The following NR1I2 variants were observed in gnomAD, a reference collection of about 807,000 sequenced individuals.
NR1I2 encodes the protein nuclear receptor subfamily 1 group I member 2, also known as orphan nuclear receptor PAR1.
Under a neutral mutation model 43.3 loss-of-function variants are expected in NR1I2, and 42 were observed. The ratio of observed to expected loss-of-function variants is 0.97; its 90% confidence interval spans 0.76 to 1.26. NR1I2 has a LOEUF of 1.26. Among genes scored for constraint, NR1I2 ranks in the 50% most tolerant of loss-of-function variants. The pLI is 0.00. For missense variants in NR1I2, 559 were observed against 566.7 expected (o/e 0.99, Z 0.14); for synonymous variants, 229 against 215.0 (o/e 1.06, Z -0.57).
intron 1 of NR1I2, among the ~76,000 whole-genome samples, chr3:119,784,755 G>A (rs530176535): frequency 1.3e-5 from 2 of 152,070 alleles, no homozygotes; most frequent in African/African-American, 4.8e-5. Flanking sequence ...TTTCCTATTT[G>A]TTTGAAATAT....
intron 1 of NR1I2, among the ~76,000 whole-genome samples, chr3:119,800,156 T>C (rs2055059264): frequency 6.6e-6 from 1 of 152,248 alleles, no homozygotes; most frequent in African/African-American, 2.4e-5. Context: ...TGATCCATTT[T>C]GAGTAAATTT....
chr3:119,815,475 CA>C (rs759721878), intron 7 of NR1I2, 36 bp downstream of exon 7: 17 of 1,528,276 alleles, frequency 1.1e-5, no homozygotes, highest in African/African-American at 4.1e-5. Flanking sequence ...ACATCCCCCC[CA>C]GCCTTATCTG....
At chr3:119,797,850 T>C (rs944207810) in intron 1 of NR1I2, among the ~76,000 whole-genome samples, 5 of 152,242 alleles carry the variant, frequency 3.3e-5, no homozygotes, top group African/African-American at 4.8e-5. Flanking sequence ...ATTTTGCCTT[T>C]ACAATAGAAG....
chr3:119,784,752 T>C (rs2054820846), intron 1 of NR1I2, among the ~76,000 whole-genome samples: 1 of 152,210 alleles, frequency 6.6e-6, no homozygotes, highest in Non-Finnish European at 1.5e-5. Flanking sequence ...CTTTTTCCTA[T>C]TTGTTTGAAA....
chr3:119,784,509 A>G (rs1276960024), intron 1 of NR1I2, among the ~76,000 whole-genome samples: 1 of 152,138 alleles, frequency 6.6e-6, no homozygotes, highest in East Asian at 1.9e-4. Context: ...TTTTTAGCCA[A>G]CAGAAATTTT....
At chr3:119,793,502 C>T (rs563240022) in intron 1 of NR1I2, among the ~76,000 whole-genome samples, 12 of 152,356 alleles carry the variant, frequency 7.9e-5, no homozygotes, top group Admixed American at 3.9e-4. Context: ...GATCAGTTTC[C>T]TCACCTCTTC....
chr3:119,815,455 A>G lies in NR1I2; in HGVS notation c.1054+16A>G. 1.3e-6 allele frequency: 2 copies of G among 1,585,398 alleles called. No individual in the cohort carries two copies. Among genetic ancestry groups the G allele is most frequent in the African/African-American group, 1.3e-5 (1 of 74,456 alleles). ...TTCTCCCCAGGTGAGGATCTCCCCT[A>G]GGCTGCCTGACATCCCCCCCAGCCT... is the stretch of plus-strand genomic sequence containing the variant. On this transcript the variant is annotated intron_variant, in intron 7 of 8. Coordinates refer to ENST00000393716, the MANE Select transcript of NR1I2 (RefSeq NM_003889.4).
At chr3:119,813,733 A>T (rs1312798154) in intron 5 of NR1I2, among the ~76,000 whole-genome samples, 1 of 152,074 alleles carries the variant, frequency 6.6e-6, no homozygotes, top group Non-Finnish European at 1.5e-5. Flanking sequence ...GGTGATGCTG[A>T]CAGCAGGTTT....
intron 1 of NR1I2, among the ~76,000 whole-genome samples, chr3:119,791,248 G>A (rs890181625): frequency 6.6e-6 from 1 of 152,178 alleles, no homozygotes; most frequent in African/African-American, 2.4e-5. Flanking sequence ...GGCCCCAGAA[G>A]GCCTATGGAC....
rs762110065 is a variant in NR1I2, at chr3:119,811,550, G to C, written c.343G>C (p.Asp115His). 1.9e-6 allele frequency: 3 copies of C among 1,612,970 alleles called. No homozygotes were observed. The highest frequency in any genetic ancestry group is 2.2e-5 in the South Asian group (2 of 90,780). Residue 115 changes from aspartate to histidine, a missense_variant, in exon 4 of 9, where the codon GAC (aspartate) becomes CAC (histidine). Physicochemically the swap from Asp to His is moderately conservative, Grantham distance 81. Transcript: ENST00000393716. Reference sequence around the variant, plus strand: ...CACTGTCCCTGCAGTGATCATGTCCGACGAGGCCGTGGAGGAGAGGCGGGC... The same window carrying C: ...CACTGTCCCTGCAGTGATCATGTCCCACGAGGCCGTGGAGGAGAGGCGGGC...
At chr3:119,796,993 C>T (rs77209489) in intron 1 of NR1I2, among the ~76,000 whole-genome samples, 5,156 of 152,222 alleles carry the variant, frequency 0.034, 288 homozygotes, top group African/African-American at 0.12. Context: ...AAGACAATGC[C>T]CACTATATCT....
intron 1 of NR1I2, among the ~76,000 whole-genome samples, chr3:119,787,769 GTATA>G (rs571863520): frequency 2.6e-5 from 4 of 150,974 alleles, no homozygotes; most frequent in Admixed American, 2.0e-4. Context: ...ATGCGTGTGT[GTATA>G]TATATGTGTG....
chr3:119,815,017 G>A lies in NR1I2; in HGVS notation c.833G>A (p.Gly278Glu), dbSNP rs200219497. The change falls in exon 6 of 9, where the codon GGG (glycine) becomes GAG (glutamate). Residue 278 changes from glycine to glutamate, a missense_variant. Gly to Glu is a moderately conservative substitution (Grantham distance 98, BLOSUM62 -2). Around this residue, in one of 3 missense-constraint regions of NR1I2, gnomAD observed 323 missense variants for 312.2 expected, o/e 1.03. Coordinates refer to ENST00000393716, the MANE Select transcript of NR1I2 (RefSeq NM_003889.4). ...GAGGACCAGATCTCCCTGCTGAAGG[G>A]GGCCGCTTTCGAGCTGTGTCAACTG... is the stretch of plus-strand genomic sequence containing the variant. 3.8e-5 allele frequency: 61 copies of A among 1,614,102 alleles called. No individual in the cohort carries two copies. Among genetic ancestry groups the A allele is most frequent in the Non-Finnish European group, 5.2e-5 (61 of 1,180,052 alleles).
intron 2 of NR1I2, among the ~76,000 whole-genome samples, chr3:119,808,574 A>G (rs1207298882): frequency 6.6e-6 from 1 of 152,256 alleles, no homozygotes; most frequent in African/African-American, 2.4e-5. Flanking sequence ...ATCCTGCCTC[A>G]GCATGCAGGA....
Position 119,784,960 on chromosome 3 carries a change from T to C in NR1I2, c.-23+2660T>C, listed in dbSNP as rs369301494. Among the ~76,000 whole-genome samples the C allele has an allele frequency of 7.2e-5, 11 of 152,374 alleles. No homozygotes were observed. In the East Asian group the frequency reaches 1.9e-3, roughly 27 times the overall value. On this transcript the variant is annotated intron_variant, in intron 1 of 8. Coordinates refer to ENST00000393716, the MANE Select transcript of NR1I2 (RefSeq NM_003889.4). ...CCTTATGGAATTCTCTTAATAGTTA[T>C]AAAAGCTTATCAGTTGATTCCTTTG...
Position 119,817,786 on chromosome 3 carries a change from C to A in NR1I2, c.*574C>A. 2.0e-6 allele frequency: 2 copies of A among 1,001,902 alleles called. No homozygotes were observed. The highest frequency in any genetic ancestry group is 2.4e-6 in the Non-Finnish European group (2 of 838,538). 62.1% of individuals were successfully genotyped at this position (1,001,902 alleles called of 1,614,324 possible). The stretch of plus-strand genomic sequence containing the variant: ...GAGAGATGAGAAGCCAGGAGGCCTG[C>A]ACCAAATGTCAGAAGCTTGGCATGA... On this transcript the variant is annotated 3_prime_UTR_variant, in exon 9 of 9. Transcript: ENST00000393716.
At chr3:119,790,891 C>T (rs1231512312) in intron 1 of NR1I2, among the ~76,000 whole-genome samples, 1 of 152,174 alleles carries the variant, frequency 6.6e-6, no homozygotes, top group East Asian at 1.9e-4. Context: ...ATGGGCTGTC[C>T]TCAGGGTTGG....
intron 5 of NR1I2, 82 bp downstream of exon 5, chr3:119,813,042 G>GA: frequency 5.5e-6 from 8 of 1,451,130 alleles, no homozygotes; most frequent in Non-Finnish European, 7.6e-6. Flanking sequence ...GGTAGATCCT[G>GA]AATTTGGGGG....
intron 8 of NR1I2, among the ~76,000 whole-genome samples, chr3:119,816,542 TG>T (rs748234466): frequency 1.2e-4 from 19 of 152,274 alleles, no homozygotes; most frequent in Non-Finnish European, 2.5e-4. Flanking sequence ...CTCCCGCAGC[TG>T]GGTGTCGTGG....
Sources: allele counts gnomAD v4.1 joint callset (sites outside exome capture counted in the v4.1 genomes callset), GRCh38; gene constraint gnomAD v4.1.1; regional missense constraint gnomAD v4.1.1; transcripts MANE v1.5; gene names NCBI Gene and HGNC (gene_info 2026-07-23, HGNC 2026-07-21).